FMN2: variants seen among roughly 807,000 people sequenced by gnomAD.
FMN2 encodes the protein formin 2.
A neutral mutation model predicts 142.3 loss-of-function variants in FMN2; 51 were observed. That is an observed-to-expected ratio of 0.36 (90% CI 0.29 to 0.45). FMN2 has a LOEUF of 0.45. Ranked by LOEUF, FMN2 falls within the 20% of genes least tolerant of loss-of-function variation. FMN2 has a pLI of 1.00. For missense variants in FMN2, 1,936 were observed against 2,122.8 expected (o/e 0.91, Z 1.73); for synonymous variants, 882 against 869.8 (o/e 1.01, Z -0.25).
chr1:240,384,076 C>T (rs1206252085), intron 14 of FMN2, among the ~76,000 whole-genome samples: 3 of 151,982 alleles, frequency 2.0e-5, no homozygotes, highest in Non-Finnish European at 4.4e-5. Context: ...CATGTTCTCA[C>T]TTTCAAGTGG....
chr1:240,459,727 A>G (rs926646419), intron 16 of FMN2, among the ~76,000 whole-genome samples: 8 of 54,104 alleles, frequency 1.5e-4, no homozygotes, highest in African/African-American at 5.1e-4. Context: ...TAAAAAAAAA[A>G]AAAAAAAAAA....
At chr1:240,209,525 A>C (rs1666599146) in intron 5 of FMN2, among the ~76,000 whole-genome samples, 1 of 149,250 alleles carries the variant, frequency 6.7e-6, no homozygotes, top group African/African-American at 2.5e-5. Context: ...AAATGCTGGG[A>C]TGACAGGCGT....
intron 7 of FMN2, 138 bp from the exon 8 acceptor site, chr1:240,294,684 A>C (rs1186690069): frequency 1.4e-6 from 1 of 698,488 alleles, no homozygotes; most frequent in African/African-American, 1.8e-5. Context: ...CAGGCTTTGC[A>C]GTGGGGGCAA....
At chr1:240,470,736 C>A (rs1444604055) in intron 16 of FMN2, among the ~76,000 whole-genome samples, 5 of 151,906 alleles carry the variant, frequency 3.3e-5, no homozygotes, top group African/African-American at 1.2e-4. Context: ...TCTTTGGTTT[C>A]TCCAGAAATA....
At chr1:240,380,037 G>A (rs903031631) in intron 14 of FMN2, among the ~76,000 whole-genome samples, 2 of 152,016 alleles carry the variant, frequency 1.3e-5, no homozygotes, top group Admixed American at 1.3e-4. Context: ...AGAGTAATTT[G>A]GGGACACTTC....
At position 240,433,184 on chromosome 1, in the gene FMN2, G is replaced by A. The variant is rs960246559; in HGVS notation, c.4911-4877G>A. 3.3e-5 allele frequency among the ~76,000 whole-genome samples: 5 copies of A among 152,220 alleles called. No homozygotes were observed. In the South Asian group the frequency reaches 1.0e-3, roughly 32 times the overall value. Reference sequence around the variant, plus strand: ...ATGATTGTTATGTCTTCTTGATAATGTGGATGCTTTTATAATTATGAAATA... The same window carrying A: ...ATGATTGTTATGTCTTCTTGATAATATGGATGCTTTTATAATTATGAAATA... On this transcript the variant is annotated intron_variant, in intron 15 of 17. Coordinates refer to ENST00000319653, the MANE Select transcript of FMN2 (RefSeq NM_020066.5).
intron 14 of FMN2, among the ~76,000 whole-genome samples, chr1:240,387,449 T>A (rs1673444054): frequency 6.6e-6 from 1 of 152,358 alleles, no homozygotes; most frequent in Middle Eastern, 3.4e-3. Flanking sequence ...TTGTAGCAAT[T>A]TTATTTACTG....
chr1:240,339,051 C>T (rs950893949), intron 13 of FMN2, among the ~76,000 whole-genome samples: 5 of 152,040 alleles, frequency 3.3e-5, no homozygotes, highest in East Asian at 1.9e-4. Context: ...TGACAGGAGG[C>T]GGAGCTCAGG....
At chr1:240,155,507 C>T (rs1192603457) in intron 2 of FMN2, among the ~76,000 whole-genome samples, 1 of 152,126 alleles carries the variant, frequency 6.6e-6, no homozygotes, top group Non-Finnish European at 1.5e-5. Flanking sequence ...TCTCAAACTC[C>T]TGGCCTCAAG....
intron 17 of FMN2, 40 bp from the exon 18 acceptor site, chr1:240,474,088 C>A (rs1170548692): frequency 2.0e-6 from 3 of 1,524,020 alleles, no homozygotes; most frequent in South Asian, 2.6e-5. Flanking sequence ...TTTAAAAGTT[C>A]TTTCTAACTA....
At chr1:240,412,740 T>C (rs1370124846) in intron 15 of FMN2, among the ~76,000 whole-genome samples, 1 of 151,848 alleles carries the variant, frequency 6.6e-6, no homozygotes, top group Non-Finnish European at 1.5e-5. Flanking sequence ...TTCCTGAATT[T>C]GGGAGGGTAG....
chr1:240,108,323 C>T (rs906313207), intron 1 of FMN2, among the ~76,000 whole-genome samples: 21 of 152,274 alleles, frequency 1.4e-4, no homozygotes, highest in African/African-American at 4.3e-4. Flanking sequence ...ATAAAACCTG[C>T]AGCATTTTGG....
At chr1:240,255,444 T>TTG (rs1668422144) in intron 6 of FMN2, among the ~76,000 whole-genome samples, 2 of 152,166 alleles carry the variant, frequency 1.3e-5, no homozygotes, top group Admixed American at 6.5e-5. Flanking sequence ...ACCACTGGAC[T>TTG]AGAGTTTGGG....
intron 13 of FMN2, among the ~76,000 whole-genome samples, chr1:240,343,233 T>G (rs1671800499): frequency 6.6e-6 from 1 of 152,260 alleles, no homozygotes; most frequent in Non-Finnish European, 1.5e-5. Context: ...TCAAAGTAGC[T>G]TGCTATGACT....
At chr1:240,295,206 A>G (rs990448652) in intron 8 of FMN2, among the ~76,000 whole-genome samples, 61 of 151,832 alleles carry the variant, frequency 4.0e-4, no homozygotes, top group African/African-American at 1.3e-3. Flanking sequence ...ACACACACAC[A>G]CACACACACA....
intron 8 of FMN2, among the ~76,000 whole-genome samples, chr1:240,302,151 AAC>A (rs1670223475): frequency 6.6e-6 from 1 of 152,014 alleles, no homozygotes; most frequent in South Asian, 2.1e-4. Flanking sequence ...CTCAAATGAA[AAC>A]ATTTTATTTC....
intron 11 of FMN2, among the ~76,000 whole-genome samples, chr1:240,333,400 C>T (rs4460625): frequency 0.18 from 27,211 of 151,934 alleles, 2,542 homozygotes; most frequent in South Asian, 0.24. Flanking sequence ...TTAAAAGCTC[C>T]GCTTTACTTA....
At chr1:240,241,860 G>T (rs769533493) in intron 6 of FMN2, among the ~76,000 whole-genome samples, 2 of 122,062 alleles carry the variant, frequency 1.6e-5, no homozygotes, top group South Asian at 2.4e-4. Context: ...TTTTTGAGAC[G>T]GAGTCTCGCT....
intron 15 of FMN2, among the ~76,000 whole-genome samples, chr1:240,397,335 G>A (rs1673814975): frequency 6.6e-6 from 1 of 152,082 alleles, no homozygotes; most frequent in Non-Finnish European, 1.5e-5. Flanking sequence ...GTTCCTTGTA[G>A]TATTGCAATC....
Sources: allele counts gnomAD v4.1 joint callset (sites outside exome capture counted in the v4.1 genomes callset), GRCh38; gene constraint gnomAD v4.1.1; transcripts MANE v1.5; gene names NCBI Gene and HGNC (gene_info 2026-07-23, HGNC 2026-07-21).